DAB1: variants seen among roughly 807,000 people sequenced by gnomAD.
The protein encoded by DAB1 is disabled homolog 1.
Under a neutral mutation model 64.6 loss-of-function variants are expected in DAB1, and 15 were observed. The observed-to-expected ratio is 0.23, with a 90% confidence interval of 0.16 to 0.36. DAB1 has a LOEUF of 0.36. DAB1 is among the 10% of genes least tolerant of loss of function. The pLI is 1.00. For missense variants in DAB1, 596 were observed against 706.7 expected (o/e 0.84, Z 1.78); for synonymous variants, 235 against 251.9 (o/e 0.93, Z 0.64).
chr1:57,834,315 T>G (rs569940750), intron 1 of DAB1, among the ~76,000 whole-genome samples: 2 of 152,282 alleles, frequency 1.3e-5, no homozygotes, highest in East Asian at 3.9e-4. Flanking sequence ...ATTAGTTTCG[T>G]CTTGAAAATA....
At chr1:57,077,396 G>A (rs1042802744) in intron 4 of DAB1, among the ~76,000 whole-genome samples, 10 of 152,112 alleles carry the variant, frequency 6.6e-5, no homozygotes, top group African/African-American at 2.4e-4. Context: ...AGGCAGGCAG[G>A]GAGGAAGAAA....
intron 2 of DAB1, among the ~76,000 whole-genome samples, chr1:57,195,350 A>C (rs1664539033): frequency 6.6e-6 from 1 of 152,218 alleles, no homozygotes; most frequent in East Asian, 1.9e-4. Flanking sequence ...GCCTTCACTT[A>C]ACATATATTT....
At chr1:57,353,211 T>C (rs938358106) in intron 1 of DAB1, among the ~76,000 whole-genome samples, 4 of 152,008 alleles carry the variant, frequency 2.6e-5, no homozygotes, top group African/African-American at 7.2e-5. Flanking sequence ...TTCAGTTTTG[T>C]CTTCCACCAA....
Position 57,068,194 on chromosome 1 carries a change from T to G in DAB1, c.663+1166A>C, listed in dbSNP as rs541821064. On this transcript the variant is annotated intron_variant, in intron 8 of 14. Transcript: ENST00000371236. ...TCTTCTTAGGATGATTGGTTAATGG[T>G]TTTTTCCTCCTCATATTCAGATACT... Among the ~76,000 whole-genome samples the G allele has an allele frequency of 9.8e-5, 15 of 152,328 alleles. No individual in the cohort carries two copies. The South Asian group carries it at 3.1e-3, about 32-fold the overall frequency.
chr1:57,302,368 C>G (rs1462177967), intron 1 of DAB1, among the ~76,000 whole-genome samples: 1 of 152,114 alleles, frequency 6.6e-6, no homozygotes, highest in Non-Finnish European at 1.5e-5. Flanking sequence ...CATGGAAAAG[C>G]CTCCTCACTG....
chr1:58,070,636 G>A (rs867870559), intron 5 of DAB1, among the ~76,000 whole-genome samples: 8 of 152,208 alleles, frequency 5.3e-5, no homozygotes, highest in Admixed American at 1.3e-4. Context: ...AAAGGAGGAT[G>A]AAGTACATTG....
At chr1:58,132,253 C>A (rs1007874107) in intron 5 of DAB1, among the ~76,000 whole-genome samples, 1 of 152,184 alleles carries the variant, frequency 6.6e-6, no homozygotes, top group Non-Finnish European at 1.5e-5. Context: ...TTCTTTGACT[C>A]AGAAAGGGAA....
intron 9 of DAB1, among the ~76,000 whole-genome samples, chr1:57,030,793 C>G (rs1646942427): frequency 6.6e-6 from 1 of 152,214 alleles, no homozygotes; most frequent in African/African-American, 2.4e-5. Flanking sequence ...TTTGGTGAAG[C>G]TATGCTAGTC....
chr1:58,436,503 G>C (rs1264243687), intron 3 of DAB1, among the ~76,000 whole-genome samples: 1 of 152,062 alleles, frequency 6.6e-6, no homozygotes, highest in African/African-American at 2.4e-5. Context: ...TAGCTCTTCA[G>C]TATCATTCCC....
intron 6 of DAB1, among the ~76,000 whole-genome samples, chr1:57,732,639 TG>T (rs1183453907): frequency 5.3e-5 from 8 of 152,276 alleles, no homozygotes; most frequent in Admixed American, 2.6e-4. Context: ...CATCATCACC[TG>T]TGTGTCAGGT....
At chr1:57,101,096 C>A (rs1326020310) in intron 4 of DAB1, among the ~76,000 whole-genome samples, 1 of 152,090 alleles carries the variant, frequency 6.6e-6, no homozygotes, top group Admixed American at 6.5e-5. Flanking sequence ...CATCTGCTCA[C>A]CACAGGAGGC....
intron 4 of DAB1, among the ~76,000 whole-genome samples, chr1:57,099,072 C>T (rs1654430893): frequency 1.3e-5 from 2 of 152,272 alleles, no homozygotes; most frequent in East Asian, 3.9e-4. Flanking sequence ...GCATTGGAGG[C>T]TCTGGGTCTA....
At chr1:57,100,254 G>T (rs893699806) in intron 4 of DAB1, among the ~76,000 whole-genome samples, 3 of 152,142 alleles carry the variant, frequency 2.0e-5, no homozygotes, top group Non-Finnish European at 4.4e-5. Flanking sequence ...ACATAGAAGT[G>T]CTTTGAATGG....
At chr1:57,980,228 A>C (rs1242148461) in intron 5 of DAB1, among the ~76,000 whole-genome samples, 2 of 152,042 alleles carry the variant, frequency 1.3e-5, no homozygotes, top group Non-Finnish European at 2.9e-5. Flanking sequence ...ACTCTCAGTA[A>C]TTACTGTCCC....
chr1:58,529,553 G>T (rs933639165), intron 1 of DAB1, among the ~76,000 whole-genome samples: 1 of 152,152 alleles, frequency 6.6e-6, no homozygotes, highest in Non-Finnish European at 1.5e-5. Flanking sequence ...TCAAAGCAAT[G>T]ATATTTTAAC....
chr1:57,996,543 C>T (rs766050669), intron 5 of DAB1, among the ~76,000 whole-genome samples: 7 of 152,130 alleles, frequency 4.6e-5, no homozygotes, highest in Non-Finnish European at 1.5e-5. Flanking sequence ...TTCATGAGCC[C>T]TTGCTTTGAT....
chr1:57,256,155 A>C (rs1669745441), intron 2 of DAB1, among the ~76,000 whole-genome samples: 2 of 152,212 alleles, frequency 1.3e-5, no homozygotes, highest in Admixed American at 1.3e-4. Flanking sequence ...ATTAACGGCT[A>C]ATCTCAAAAG....
chr1:57,965,560 G>T (rs546955146), intron 5 of DAB1, among the ~76,000 whole-genome samples: 26 of 152,206 alleles, frequency 1.7e-4, no homozygotes, highest in African/African-American at 6.0e-4. Context: ...TATTGATTAT[G>T]ATTTCCAATT....
chr1:58,257,073 T>G (rs550089192), intron 4 of DAB1, among the ~76,000 whole-genome samples: 1 of 152,250 alleles, frequency 6.6e-6, no homozygotes, highest in African/African-American at 2.4e-5. Context: ...GAATTATGCA[T>G]TGGGCATTGT....
Sources: allele counts gnomAD v4.1 joint callset (sites outside exome capture counted in the v4.1 genomes callset), GRCh38; gene constraint gnomAD v4.1.1; transcripts MANE v1.5; gene names NCBI Gene and HGNC (gene_info 2026-07-23, HGNC 2026-07-21).